YEATS2: variants seen among roughly 807,000 people sequenced by gnomAD.
The protein encoded by YEATS2 is YEATS domain-containing protein 2.
YEATS2 carries 77 observed loss-of-function variants against 163.2 expected under a neutral mutation model. The observed-to-expected ratio is 0.47, with a 90% confidence interval of 0.39 to 0.57. The LOEUF is 0.57. YEATS2 is among the 20% of genes least tolerant of loss of function. YEATS2 has a pLI of 0.00. For synonymous variants in YEATS2, 631 were observed against 645.1 expected (o/e 0.98, Z 0.33); for missense variants, 1,549 against 1,729.8 (o/e 0.90, Z 1.85).
chr3:183,723,640 G>A (rs149895168), intron 5 of YEATS2, among the ~76,000 whole-genome samples: 16 of 152,238 alleles, frequency 1.1e-4, no homozygotes, highest in African/African-American at 3.6e-4. Context: ...GAGGCTGGGC[G>A]TGGTGGCTCA....
chr3:183,806,719 T>G, intron 27 of YEATS2, 147 bp from the exon 28 acceptor site: 2 of 746,390 alleles, frequency 2.7e-6, no homozygotes, highest in Admixed American at 5.5e-5. Flanking sequence ...GTTCTCATCA[T>G]TATAGATCCA....
At chr3:183,715,296 T>C (rs1279639493) in intron 2 of YEATS2, 34 bp downstream of exon 2, 4 of 1,481,400 alleles carry the variant, frequency 2.7e-6, no homozygotes, top group Non-Finnish European at 3.8e-6. Flanking sequence ...TATTTCTTTA[T>C]TGACATATGC....
At chr3:183,807,949 T>C in intron 28 of YEATS2, 81 bp from the exon 29 acceptor site, 3 of 1,199,836 alleles carry the variant, frequency 2.5e-6, no homozygotes, top group Non-Finnish European at 3.6e-6. Context: ...TCGCTTTGCA[T>C]GTCAGGGAGG....
intron 21 of YEATS2, chr3:183,793,206 C>T: frequency 7.9e-7 from 1 of 1,269,108 alleles, no homozygotes; most frequent in Admixed American, 2.4e-5. Context: ...ATGCAGACAA[C>T]ACCCCTTACT....
intron 1 of YEATS2, among the ~76,000 whole-genome samples, chr3:183,709,529 T>C (rs1714967257): frequency 6.6e-6 from 1 of 152,024 alleles, no homozygotes; most frequent in East Asian, 1.9e-4. Flanking sequence ...GAGATGGGGT[T>C]TCACCATGTT....
At chr3:183,704,664 CTG>C in intron 1 of YEATS2, among the ~76,000 whole-genome samples, 1 of 151,808 alleles carries the variant, frequency 6.6e-6, no homozygotes, top group African/African-American at 2.4e-5. Flanking sequence ...GAGTCTCACT[CTG>C]TTGCCCAGGC....
At position 183,763,203 on chromosome 3, in the gene YEATS2, T is replaced by G. The variant is rs1412175504; in HGVS notation, c.1947+924T>G. ...TTGTTGTGTGAACATCGCAGTGTAC[T>G]TAAATCCAGATAGAATAGCTAACTA... On this transcript the variant is annotated intron_variant, in intron 15 of 30. Transcript: ENST00000305135. Among the ~76,000 whole-genome samples, 6 of 152,228 alleles carry G rather than the reference T, an allele frequency of 3.9e-5. No homozygotes were observed. In the East Asian group the frequency reaches 1.2e-3, roughly 29 times the overall value.
intron 6 of YEATS2, among the ~76,000 whole-genome samples, chr3:183,725,686 C>G (rs262975): frequency 0.72 from 109,369 of 152,174 alleles, 40,262 homozygotes; most frequent in East Asian, 0.96. Flanking sequence ...CCTCCCACTG[C>G]GTCCCTTCCA....
At chr3:183,765,455 A>G (rs1721808599) in intron 15 of YEATS2, among the ~76,000 whole-genome samples, 1 of 152,216 alleles carries the variant, frequency 6.6e-6, no homozygotes, top group Non-Finnish European at 1.5e-5. Context: ...TCTGTGCCAC[A>G]ATGCCCTAAA....
Position 183,770,200 on chromosome 3 carries a change from A to C in YEATS2, c.1948-2105A>C, listed in dbSNP as rs1224152437. On this transcript the variant is annotated intron_variant, in intron 15 of 30. Coordinates refer to ENST00000305135, the MANE Select transcript of YEATS2 (RefSeq NM_018023.5). ...TCAGGAGATCAAGACCGTCCTGGCT[A>C]ACACGGTGAAACCCCGTTTCTACTA... 4.6e-5 allele frequency among the ~76,000 whole-genome samples: 7 copies of C among 151,610 alleles called. No homozygotes were observed. The East Asian group carries it at 1.4e-3, about 30-fold the overall frequency.
Position 183,793,360 on chromosome 3 carries a change from A to G in YEATS2, c.3097+2380A>G. 3 of 1,088,976 alleles carry G rather than the reference A, an allele frequency of 2.8e-6. No individual in the cohort carries two copies. The South Asian group carries it at 7.5e-5, about 27-fold the overall frequency. The allele number at this position is 1,088,976 out of a possible 1,614,324, so 67.5% of individuals were successfully genotyped here. ...TGATTATATTTTTCTCTTGATTTCT[A>G]CCTCCCTGTTAAAATTGACCAACTT... is the stretch of plus-strand genomic sequence containing the variant. On this transcript the variant is annotated intron_variant, in intron 21 of 30. Coordinates refer to ENST00000305135, the MANE Select transcript of YEATS2 (RefSeq NM_018023.5).
intron 15 of YEATS2, among the ~76,000 whole-genome samples, chr3:183,764,522 T>C (rs1387818398): frequency 6.6e-6 from 1 of 152,092 alleles, no homozygotes; most frequent in African/African-American, 2.4e-5. Context: ...ACTTAAAAAT[T>C]CATAGAGCTT....
intron 19 of YEATS2, among the ~76,000 whole-genome samples, chr3:183,779,183 A>T (rs1723311337): frequency 6.6e-6 from 1 of 152,222 alleles, no homozygotes; most frequent in African/African-American, 2.4e-5. Flanking sequence ...TTCTGGGATT[A>T]CAGGCACAAG....
At chr3:183,725,045 T>C (rs894495749) in intron 6 of YEATS2, among the ~76,000 whole-genome samples, 6 of 148,320 alleles carry the variant, frequency 4.0e-5, no homozygotes, top group African/African-American at 1.5e-4. Context: ...GCCGGCCTTT[T>C]TTTTTTTTTT....
In YEATS2 at chr3:183,803,282, A is replaced by G. The variant is rs777643131; in HGVS notation, c.3529A>G (p.Lys1177Glu). Reference protein sequence around the residue: ...KSEDASCFSAKSVEQYYGWNI... With the variant: ...KSEDASCFSAESVEQYYGWNI... ...TGAAGATGCCAGCTGCTTTTCTGCA[A>G]AGTCTGTGGAGCAGTACTATGGCTG... The change falls in exon 26 of 31, where the codon AAG becomes GAG. Residue 1177 changes from lysine to glutamate, a missense_variant. Transcript: ENST00000305135. 1.2e-6 allele frequency: 2 copies of G among 1,611,952 alleles called. No homozygotes were observed. Among genetic ancestry groups the G allele is most frequent in the Non-Finnish European group, 1.7e-6 (2 of 1,179,912 alleles).
At chr3:183,701,106 G>T (rs1341287298) in intron 1 of YEATS2, among the ~76,000 whole-genome samples, 2 of 150,230 alleles carry the variant, frequency 1.3e-5, no homozygotes, top group African/African-American at 4.9e-5. Flanking sequence ...TTTTGAGAAG[G>T]AGTCTCGCTC....
At chr3:183,762,073 C>G (rs1309574938) in intron 14 of YEATS2, 24 bp from the exon 15 acceptor site, 1 of 1,613,748 alleles carries the variant, frequency 6.2e-7, no homozygotes, top group Non-Finnish European at 8.5e-7. Flanking sequence ...GATGTTTATT[C>G]AGTGTCATTA....
At chr3:183,803,364 C>T in intron 26 of YEATS2, 29 bp downstream of exon 26, 1 of 1,592,662 alleles carries the variant, frequency 6.3e-7, no homozygotes. Context: ...TCCACTCTGG[C>T]TGCCTCCAGA....
At chr3:183,749,706 T>G (rs2109270481) in intron 9 of YEATS2, among the ~76,000 whole-genome samples, 1 of 152,338 alleles carries the variant, frequency 6.6e-6, no homozygotes, top group Middle Eastern at 3.4e-3. Flanking sequence ...CAATCACGGC[T>G]CACTGCAGCT....
Sources: gnomAD v4.1 joint callset for allele counts (sites outside exome capture counted in the v4.1 genomes callset) on GRCh38, gnomAD v4.1.1 for gene constraint, MANE v1.5 for transcripts, NCBI Gene and HGNC (gene_info 2026-07-23, HGNC 2026-07-21) for gene names.